The following OPCML variants were observed in gnomAD, a reference collection of about 807,000 sequenced individuals.
OPCML encodes the protein opioid binding protein/cell adhesion molecule like, also known as opioid-binding protein/cell adhesion molecule.
OPCML carries 13 observed loss-of-function variants against 37.8 expected under a neutral mutation model. The observed-to-expected ratio is 0.34, with a 90% CI of 0.22 to 0.55. OPCML has a LOEUF of 0.55. OPCML is among the 20% of genes least tolerant of loss of function. OPCML has a pLI of 0.91. For missense variants in OPCML, 341 were observed against 435.6 expected, an observed-to-expected ratio of 0.78 and a Z score of 1.93; for synonymous variants, 176 against 168.8, an observed-to-expected ratio of 1.04 and a Z score of -0.33.
intron 3 of OPCML, among the ~76,000 whole-genome samples, chr11:132,606,335 G>A (rs764976771): frequency 6.6e-6 from 1 of 152,076 alleles, no homozygotes; most frequent in Non-Finnish European, 1.5e-5. Context: ...GGAGACGCTC[G>A]TCCTGTCCCA....
intron 1 of OPCML, among the ~76,000 whole-genome samples, chr11:133,326,520 A>G (rs1208067944): frequency 5.2e-4 from 36 of 68,852 alleles, no homozygotes; most frequent in East Asian, 1.7e-3. Context: ...GAGTGTGGGT[A>G]TGTGTAAGTG....
At chr11:132,556,014 C>T (rs1186232960) in intron 3 of OPCML, among the ~76,000 whole-genome samples, 1 of 152,110 alleles carries the variant, frequency 6.6e-6, no homozygotes, top group East Asian at 1.9e-4. Flanking sequence ...TCATGGCCCA[C>T]TGCAGCCTCG....
chr11:132,921,445 A>G (rs756045224), intron 2 of OPCML, among the ~76,000 whole-genome samples: 1 of 152,206 alleles, frequency 6.6e-6, no homozygotes, highest in Non-Finnish European at 1.5e-5. Flanking sequence ...GCCATAGCAC[A>G]ATGTGTGGGG....
At chr11:133,136,181 T>G (rs1479735786) in intron 1 of OPCML, among the ~76,000 whole-genome samples, 1 of 152,204 alleles carries the variant, frequency 6.6e-6, no homozygotes, top group Non-Finnish European at 1.5e-5. Context: ...AAAACCCATT[T>G]AGGTTTCTAT....
At chr11:132,864,955 G>A (rs886614650) in intron 2 of OPCML, among the ~76,000 whole-genome samples, 1 of 152,264 alleles carries the variant, frequency 6.6e-6, no homozygotes, top group Admixed American at 6.5e-5. Flanking sequence ...AGCCATGCTG[G>A]TGGGAGAGCG....
chr11:132,604,354 C>T (rs922517292), intron 3 of OPCML, among the ~76,000 whole-genome samples: 10 of 152,184 alleles, frequency 6.6e-5, no homozygotes, highest in Non-Finnish European at 8.8e-5. Context: ...TCTATTTGCC[C>T]GCCCTCAACC....
chr11:133,157,339 C>A (rs1440691854), intron 1 of OPCML, among the ~76,000 whole-genome samples: 1 of 152,176 alleles, frequency 6.6e-6, no homozygotes, highest in Non-Finnish European at 1.5e-5. Context: ...CAGGCAGCTG[C>A]AGTCGGAGCT....
chr11:132,557,848 T>A (rs7116523), intron 3 of OPCML, among the ~76,000 whole-genome samples: 8 of 152,134 alleles, frequency 5.3e-5, no homozygotes, highest in Non-Finnish European at 8.8e-5. Context: ...GAAAAGGCTC[T>A]GCAGAAGATG....
At chr11:132,547,800 G>A (rs1159547103) in intron 3 of OPCML, among the ~76,000 whole-genome samples, 10 of 152,118 alleles carry the variant, frequency 6.6e-5, no homozygotes, top group Non-Finnish European at 1.2e-4. Context: ...CTCTCTGAAC[G>A]TGACATCATG....
chr11:132,683,670 C>T (rs572628503), intron 2 of OPCML, among the ~76,000 whole-genome samples: 25 of 152,304 alleles, frequency 1.6e-4, no homozygotes, highest in African/African-American at 4.8e-4. Context: ...CTTATTACTA[C>T]AGCCCAGTAT....
intron 1 of OPCML, among the ~76,000 whole-genome samples, chr11:133,193,763 G>A (rs545035963): frequency 3.3e-5 from 5 of 152,096 alleles, no homozygotes; most frequent in East Asian, 1.9e-4. Context: ...ATTTATGGTC[G>A]GCATATCCTG....
chr11:132,508,713 C>T (rs759170584), intron 4 of OPCML, among the ~76,000 whole-genome samples: 1 of 152,170 alleles, frequency 6.6e-6, no homozygotes, highest in Non-Finnish European at 1.5e-5. Context: ...CTCATTTTCT[C>T]TTGTCACCAC....
intron 2 of OPCML, among the ~76,000 whole-genome samples, chr11:132,930,098 C>T (rs1260974560): frequency 6.6e-6 from 1 of 151,988 alleles, no homozygotes; most frequent in African/African-American, 2.4e-5. Context: ...GTGCAGTGGC[C>T]CACACCTATA....
intron 1 of OPCML, among the ~76,000 whole-genome samples, chr11:133,330,126 C>A (rs1943582286): frequency 6.6e-6 from 1 of 152,188 alleles, no homozygotes; most frequent in Non-Finnish European, 1.5e-5. Flanking sequence ...CAAGTCAAAA[C>A]CACAATGAGA....
intron 2 of OPCML, among the ~76,000 whole-genome samples, chr11:132,808,196 C>A (rs1383791813): frequency 6.6e-6 from 1 of 152,182 alleles, no homozygotes; most frequent in Non-Finnish European, 1.5e-5. Flanking sequence ...AGAAGGTAGG[C>A]CAACATGTCC....
intron 7 of OPCML, among the ~76,000 whole-genome samples, chr11:132,435,449 G>C (rs1412510211): frequency 6.6e-6 from 1 of 152,200 alleles, no homozygotes; most frequent in Non-Finnish European, 1.5e-5. Context: ...CCTGGCCCAT[G>C]GTGTGAAATG....
At chr11:132,520,393 C>G (rs1269412469) in intron 4 of OPCML, among the ~76,000 whole-genome samples, 1 of 152,080 alleles carries the variant, frequency 6.6e-6, no homozygotes, top group East Asian at 1.9e-4. Context: ...GTGAAATAGA[C>G]AAATTATTCT....
At chr11:132,511,812 T>C (rs1170733989) in intron 4 of OPCML, among the ~76,000 whole-genome samples, 2 of 95,162 alleles carry the variant, frequency 2.1e-5, no homozygotes, top group Non-Finnish European at 2.5e-5. Flanking sequence ...AAAAAAAACA[T>C]AGAATATAAC....
At chr11:133,158,399 A>C (rs950142123) in intron 1 of OPCML, among the ~76,000 whole-genome samples, 4 of 152,140 alleles carry the variant, frequency 2.6e-5, no homozygotes, top group Non-Finnish European at 5.9e-5. Flanking sequence ...TCTCAGATTC[A>C]TTTCTAAAAA....
Sources: allele counts gnomAD v4.1 joint callset (sites outside exome capture counted in the v4.1 genomes callset), GRCh38; gene constraint gnomAD v4.1.1; transcripts MANE v1.5; gene names NCBI Gene and HGNC (gene_info 2026-07-23, HGNC 2026-07-21).